Variants in SPTBN1 observed in about 807,000 individuals in gnomAD.
SPTBN1 encodes spectrin beta chain, non-erythrocytic 1.
Under a neutral mutation model 266.4 loss-of-function variants are expected in SPTBN1, and 32 were observed. The ratio of observed to expected loss-of-function variants is 0.12; its 90% confidence interval spans 0.09 to 0.16. SPTBN1 has a LOEUF of 0.16. SPTBN1 is among the 10% of genes least tolerant of loss of function. SPTBN1 has a pLI of 1.00. For synonymous variants in SPTBN1, 1,336 were observed against 1,162.2 expected (o/e 1.15, Z -3.04); for missense variants, 2,296 against 3,067.1 (o/e 0.75, Z 5.94).
At chr2:54,606,853 G>A (rs531709890) in intron 3 of SPTBN1, among the ~76,000 whole-genome samples, 1 of 152,312 alleles carries the variant, frequency 6.6e-6, no homozygotes, top group East Asian at 1.9e-4. Context: ...GGTGTACCGT[G>A]GAGAGAGAGC....
At chr2:54,514,413 A>G (rs1670008998) in intron 1 of SPTBN1, among the ~76,000 whole-genome samples, 1 of 152,186 alleles carries the variant, frequency 6.6e-6, no homozygotes, top group South Asian at 2.1e-4. Flanking sequence ...AGAAAAAAAA[A>G]TGTGTCTATT....
intron 1 of SPTBN1, among the ~76,000 whole-genome samples, chr2:54,497,980 C>T (rs1234740029): frequency 1.3e-5 from 2 of 152,186 alleles, no homozygotes; most frequent in African/African-American, 4.8e-5. Context: ...AAAACAAGCC[C>T]TCCAGTTGGC....
chr2:54,489,528 C>A (rs966198990), intron 1 of SPTBN1, among the ~76,000 whole-genome samples: 6 of 141,230 alleles, frequency 4.2e-5, no homozygotes, highest in Admixed American at 3.6e-4. Flanking sequence ...TGGTGAAACC[C>A]CGTCTTACTA....
At chr2:54,617,773 C>A in intron 6 of SPTBN1, 85 bp downstream of exon 6, 1 of 1,393,264 alleles carries the variant, frequency 7.2e-7, no homozygotes, top group Non-Finnish European at 1.0e-6. Context: ...TTTCCATATC[C>A]GTTGGCTTAA....
chr2:54,661,302 A>G, intron 32 of SPTBN1: 1 of 985,900 alleles, frequency 1.0e-6, no homozygotes, highest in Non-Finnish European at 1.2e-6. Flanking sequence ...CCAAATCCAT[A>G]TTATACATCA....
chr2:54,569,759 CTG>C (rs1229029046), intron 2 of SPTBN1, among the ~76,000 whole-genome samples: 2 of 152,176 alleles, frequency 1.3e-5, no homozygotes, highest in East Asian at 1.9e-4. Flanking sequence ...TGTGTGGAAA[CTG>C]TGTTTGGCAC....
At position 54,478,385 on chromosome 2, in the gene SPTBN1, C is replaced by T. The variant is rs1344396245; in HGVS notation, c.-48+21867C>T. 3.9e-5 allele frequency among the ~76,000 whole-genome samples: 6 copies of T among 152,142 alleles called. No homozygotes were observed. The East Asian group carries it at 9.6e-4, about 24-fold the overall frequency. On this transcript the variant is annotated intron_variant, in intron 1 of 35. Coordinates refer to ENST00000356805, the MANE Select transcript of SPTBN1 (RefSeq NM_003128.3). ...AGTGGGTCCCCTGATGGGCCACCCT[C>T]TGGACCTGGTCAAATGTTGGGGAGT... is the stretch of plus-strand genomic sequence containing the variant.
chr2:54,561,322 CAG>C (rs1673283986), intron 2 of SPTBN1, among the ~76,000 whole-genome samples: 1 of 152,180 alleles, frequency 6.6e-6, no homozygotes, highest in East Asian at 1.9e-4. Flanking sequence ...TTTGTAGAGA[CAG>C]AGTCTCACCA....
chr2:54,625,561 G>C (rs988967794), intron 11 of SPTBN1, among the ~76,000 whole-genome samples: 1 of 150,206 alleles, frequency 6.7e-6, no homozygotes, highest in Admixed American at 6.7e-5. Flanking sequence ...TTGGAGGGGG[G>C]GTGGCGCGGG....
intron 2 of SPTBN1, among the ~76,000 whole-genome samples, chr2:54,535,932 A>G: frequency 6.6e-6 from 1 of 152,238 alleles, no homozygotes; most frequent in Non-Finnish European, 1.5e-5. Flanking sequence ...AGACAGGAGA[A>G]TCACTTGAAT....
intron 1 of SPTBN1, among the ~76,000 whole-genome samples, chr2:54,474,282 A>G (rs1667690054): frequency 6.6e-6 from 1 of 152,200 alleles, no homozygotes; most frequent in Admixed American, 6.5e-5. Flanking sequence ...GATTTTTTTA[A>G]GTGGTGATAA....
intron 1 of SPTBN1, among the ~76,000 whole-genome samples, chr2:54,471,685 T>C (rs1693926001): frequency 6.6e-6 from 1 of 152,158 alleles, no homozygotes; most frequent in Non-Finnish European, 1.5e-5. Flanking sequence ...TAATGCAGCC[T>C]TGGCCTGCCT....
intron 4 of SPTBN1, among the ~76,000 whole-genome samples, chr2:54,615,082 C>T (rs1156636967): frequency 1.3e-5 from 2 of 152,142 alleles, no homozygotes; most frequent in African/African-American, 4.8e-5. Context: ...ATATTAGAGA[C>T]TGGGGTTTAT....
intron 2 of SPTBN1, among the ~76,000 whole-genome samples, chr2:54,581,858 C>T (rs570816013): frequency 9.9e-5 from 15 of 152,248 alleles, no homozygotes; most frequent in Admixed American, 1.3e-4. Context: ...CTGCTAATTA[C>T]CACAAGCTAT....
intron 17 of SPTBN1, among the ~76,000 whole-genome samples, chr2:54,634,356 C>T (rs987893454): frequency 6.6e-6 from 1 of 152,184 alleles, no homozygotes; most frequent in Non-Finnish European, 1.5e-5. Context: ...CTTCATTTTG[C>T]CCTTGACCAA....
intron 2 of SPTBN1, among the ~76,000 whole-genome samples, chr2:54,537,407 G>T (rs1211177364): frequency 6.6e-6 from 1 of 152,200 alleles, no homozygotes; most frequent in African/African-American, 2.4e-5. Flanking sequence ...ACTTAGAGTG[G>T]ATACCTTCAG....
intron 32 of SPTBN1, chr2:54,661,883 G>T: frequency 1.0e-6 from 1 of 985,306 alleles, no homozygotes; most frequent in South Asian, 4.7e-5. Context: ...TTGCTATCAT[G>T]CCTATTTTTA....
intron 2 of SPTBN1, among the ~76,000 whole-genome samples, chr2:54,561,376 CTCCCGCCTTCACTTCCCAAAGTGTTGGGA>C (rs1673286628): frequency 1.3e-5 from 2 of 152,224 alleles, no homozygotes. Flanking sequence ...TCAAATGATC[CTCCCGCCTTCACTTCCCAAAGTGTTGGGA>C]TCACAGATGT....
intron 1 of SPTBN1, among the ~76,000 whole-genome samples, chr2:54,457,715 G>T (rs1186590477): frequency 6.6e-6 from 1 of 152,210 alleles, no homozygotes; most frequent in African/African-American, 2.4e-5. Flanking sequence ...ACCCAGGCCC[G>T]GGGCTGCCCT....
Sources: allele counts gnomAD v4.1 joint callset (sites outside exome capture counted in the v4.1 genomes callset), GRCh38; gene constraint gnomAD v4.1.1; transcripts MANE v1.5; gene names NCBI Gene and HGNC (gene_info 2026-07-23, HGNC 2026-07-21).